Variants in DENND1A observed in about 807,000 individuals in gnomAD.
DENND1A encodes DENN domain containing 1A.
In DENND1A, 51 loss-of-function variants were observed where a neutral mutation model predicts 113.7. That is an observed-to-expected ratio of 0.45 (90% CI 0.36 to 0.57). The LOEUF (loss-of-function observed/expected upper bound fraction) is 0.57, where lower values mean the gene tolerates loss of function less well. Among genes scored for constraint, DENND1A ranks in the 20% least tolerant of loss-of-function variants. The pLI is 0.00. For missense variants in DENND1A, 1,258 were observed against 1,395.9 expected (o/e 0.90, Z 1.57); for synonymous variants, 565 against 570.8 (o/e 0.99, Z 0.14).
intron 5 of DENND1A, among the ~76,000 whole-genome samples, chr9:123,678,304 C>T (rs1428060394): frequency 2.0e-5 from 3 of 152,188 alleles, no homozygotes; most frequent in South Asian, 2.1e-4. Flanking sequence ...CAAAGACTGA[C>T]GGCAAGGGTG....
intron 5 of DENND1A, among the ~76,000 whole-genome samples, chr9:123,757,010 G>A (rs2131398943): frequency 6.6e-6 from 1 of 152,298 alleles, no homozygotes; most frequent in African/African-American, 2.4e-5. Flanking sequence ...CATGGGGGAT[G>A]CCTTTACTTC....
At chr9:123,489,567 C>T (rs1021717262) in intron 13 of DENND1A, among the ~76,000 whole-genome samples, 4 of 152,240 alleles carry the variant, frequency 2.6e-5, no homozygotes, top group African/African-American at 9.6e-5. Context: ...CCAGTTACAG[C>T]TTGTTGTTGT....
intron 5 of DENND1A, among the ~76,000 whole-genome samples, chr9:123,679,690 G>A (rs1004838339): frequency 2.0e-5 from 3 of 152,152 alleles, no homozygotes; most frequent in African/African-American, 7.2e-5. Context: ...ATCCAGCGGC[G>A]TTTCCTGTCC....
At chr9:123,541,921 TC>T (rs1410155613) in intron 13 of DENND1A, among the ~76,000 whole-genome samples, 1 of 152,236 alleles carries the variant, frequency 6.6e-6, no homozygotes, top group Admixed American at 6.5e-5. Flanking sequence ...AAAGTAGCTC[TC>T]CTGGAATCTC....
rs2057491801 is a variant in DENND1A at position 123,557,579 on chromosome 9, T to C, written c.984A>G (p.Lys328=). Residue 328 remains lysine, a synonymous_variant, in exon 13 of 24, where the codon AAA becomes AAG. Coordinates refer to ENST00000394215, the MANE Select transcript of DENND1A (RefSeq NM_001352964.2). ...TGCCAAGGCTACTCACCGGCTCGATTTTCAGAGCGTTTCGGTAGCTACCGA... is the reference window on the plus strand; with the variant it reads ...TGCCAAGGCTACTCACCGGCTCGATCTTCAGAGCGTTTCGGTAGCTACCGA... ...AFFGSYRNAL[K]IEPEEPITFC... is the part of the protein sequence containing the mutation. The C allele has an allele frequency of 6.2e-7, 1 of 1,613,736 alleles. No homozygotes were observed. Among genetic ancestry groups the C allele is most frequent in the Non-Finnish European group, 8.5e-7 (1 of 1,179,806 alleles).
chr9:123,453,096 G>A (rs1277248012), intron 16 of DENND1A, among the ~76,000 whole-genome samples: 1 of 152,182 alleles, frequency 6.6e-6, no homozygotes, highest in Non-Finnish European at 1.5e-5. Flanking sequence ...ATAGCTGTCC[G>A]TGAATCCATT....
chr9:123,618,533 C>T (rs1359550282), intron 10 of DENND1A, among the ~76,000 whole-genome samples: 1 of 152,186 alleles, frequency 6.6e-6, no homozygotes, highest in African/African-American at 2.4e-5. Context: ...GCTGTTGCCC[C>T]TCCCGACATT....
intron 3 of DENND1A, among the ~76,000 whole-genome samples, chr9:123,779,982 T>A (rs1831042572): frequency 6.9e-6 from 1 of 144,884 alleles, no homozygotes; most frequent in African/African-American, 2.8e-5. Context: ...GCCTCCTGAG[T>A]AGCTGGGATT....
chr9:123,911,791 C>T (rs960902907), intron 1 of DENND1A, among the ~76,000 whole-genome samples: 26 of 151,770 alleles, frequency 1.7e-4, no homozygotes, highest in African/African-American at 5.6e-4. Flanking sequence ...CCTGGGTTCA[C>T]GCCATTCCCC....
intron 5 of DENND1A, among the ~76,000 whole-genome samples, chr9:123,755,738 T>C (rs918555468): frequency 5.3e-5 from 8 of 152,172 alleles, no homozygotes; most frequent in African/African-American, 1.9e-4. Context: ...ACAGTACATA[T>C]ATTTTCTCTT....
At chr9:123,539,784 G>A (rs968474323) in intron 13 of DENND1A, among the ~76,000 whole-genome samples, 2 of 151,758 alleles carry the variant, frequency 1.3e-5, no homozygotes, top group Non-Finnish European at 2.9e-5. Context: ...TCAGGAGGCT[G>A]AGGCAGGAGA....
chr9:123,420,780 T>C lies in DENND1A; in HGVS notation c.1489-8951A>G, dbSNP rs545406091. On this transcript the variant is annotated intron_variant, in intron 19 of 23. Transcript: ENST00000394215. ...TCGGCTGACGGGGAAGTTCACATGCTGAACAAAAGCAGCGAGGCAGCTGTG... is the reference window on the plus strand; with the variant it reads ...TCGGCTGACGGGGAAGTTCACATGCCGAACAAAAGCAGCGAGGCAGCTGTG... 4.7e-3 allele frequency among the ~76,000 whole-genome samples: 681 copies of C among 145,956 alleles called. 5 individuals are homozygous for C. Among genetic ancestry groups the C allele is most frequent in the Non-Finnish European group, 8.0e-3 (539 of 67,366 alleles).
At chr9:123,473,985 T>C (rs902420153) in intron 13 of DENND1A, among the ~76,000 whole-genome samples, 2 of 112,688 alleles carry the variant, frequency 1.8e-5, no homozygotes, top group Non-Finnish European at 3.3e-5. Flanking sequence ...TTACTTTCTT[T>C]CTTTTTTTTT....
chr9:123,699,781 T>A (rs549408875), intron 5 of DENND1A, among the ~76,000 whole-genome samples: 1 of 150,604 alleles, frequency 6.6e-6, no homozygotes, highest in East Asian at 2.0e-4. Context: ...TACTGCAACC[T>A]TTGCCTCCCA....
At chr9:123,696,869 G>A (rs1762665632) in intron 5 of DENND1A, among the ~76,000 whole-genome samples, 1 of 152,018 alleles carries the variant, frequency 6.6e-6, no homozygotes, top group Admixed American at 6.6e-5. Context: ...AGTTGGACAG[G>A]GCATAGGAAA....
At chr9:123,416,408 G>A (rs1588422986) in intron 19 of DENND1A, among the ~76,000 whole-genome samples, 2 of 152,320 alleles carry the variant, frequency 1.3e-5, no homozygotes, top group East Asian at 1.9e-4. Flanking sequence ...ACCGCTGACC[G>A]CTTGAGTGCT....
intron 1 of DENND1A, among the ~76,000 whole-genome samples, chr9:123,897,858 C>T (rs927235772): frequency 2.6e-5 from 4 of 150,962 alleles, no homozygotes; most frequent in African/African-American, 9.8e-5. Context: ...CTTAAGAGGA[C>T]TGCTTGAGCC....
intron 1 of DENND1A, among the ~76,000 whole-genome samples, chr9:123,888,117 T>C (rs1247128992): frequency 6.6e-6 from 1 of 152,134 alleles, no homozygotes; most frequent in Non-Finnish European, 1.5e-5. Flanking sequence ...CCAGGGCTCC[T>C]AGGAGAAATA....
chr9:123,429,162 A>G (rs569153352), intron 19 of DENND1A, among the ~76,000 whole-genome samples: 1 of 152,238 alleles, frequency 6.6e-6, no homozygotes, highest in Admixed American at 6.5e-5. Context: ...ACAGTAACCA[A>G]AACAGCATGG....
Sources: gnomAD v4.1 joint callset for allele counts (sites outside exome capture counted in the v4.1 genomes callset) on GRCh38, gnomAD v4.1.1 for gene constraint, MANE v1.5 for transcripts, NCBI Gene and HGNC (gene_info 2026-07-23, HGNC 2026-07-21) for gene names.